The following NTN4 variants were observed in gnomAD, a reference collection of about 807,000 sequenced individuals.
NTN4 encodes netrin-4.
In NTN4, 32 loss-of-function variants were observed where a neutral mutation model predicts 73.6. That is an observed-to-expected ratio of 0.44 (90% CI 0.33 to 0.58). NTN4 has a LOEUF of 0.58. Ranked by LOEUF, NTN4 falls within the 20% of genes least tolerant of loss-of-function variation. NTN4 has a pLI of 0.04. For synonymous variants in NTN4, 258 were observed against 287.5 expected, an observed-to-expected ratio of 0.90 and a Z score of 1.04; for missense variants, 654 against 798.3, an observed-to-expected ratio of 0.82 and a Z score of 2.18.
intron 2 of NTN4, among the ~76,000 whole-genome samples, chr12:95,770,779 G>A (rs1300536226): frequency 1.3e-5 from 2 of 148,814 alleles, no homozygotes; most frequent in Admixed American, 1.3e-4. Context: ...TAGAAAGCAC[G>A]TGAATATTTT....
intron 2 of NTN4, among the ~76,000 whole-genome samples, chr12:95,751,213 C>T (rs2078904623): frequency 6.6e-6 from 1 of 152,078 alleles, no homozygotes; most frequent in Non-Finnish European, 1.5e-5. Flanking sequence ...ACCTCGCCTT[C>T]AAGGTGTACA....
intron 7 of NTN4, among the ~76,000 whole-genome samples, chr12:95,675,122 T>A (rs2078263542): frequency 6.6e-6 from 1 of 152,168 alleles, no homozygotes; most frequent in Non-Finnish European, 1.5e-5. Flanking sequence ...GCAAAAAAAA[T>A]TCATAGTAAA....
At chr12:95,770,988 A>ATT (rs1460848065) in intron 2 of NTN4, among the ~76,000 whole-genome samples, 2 of 58,070 alleles carry the variant, frequency 3.4e-5, no homozygotes, top group African/African-American at 8.8e-5. Context: ...CAGGAAAAGA[A>ATT]TTTGTTTTTT....
Position 95,725,647 on chromosome 12 carries a change from T to G in NTN4, c.864+12219A>C, listed in dbSNP as rs185251064. ...GACATGTTTAAGATAAATGAGCCCC[T>G]GATTGTAGTACAAGAAGTCAGTTAC... is the stretch of plus-strand genomic sequence containing the variant. On this transcript the variant is annotated intron_variant, in intron 3 of 9. Transcript: ENST00000343702. Among the ~76,000 whole-genome samples the G allele has an allele frequency of 1.8e-3, 280 of 152,270 alleles. 1 individual carries two copies. Among genetic ancestry groups the G allele is most frequent in the East Asian group, 7.9e-3 (41 of 5,184 alleles).
At chr12:95,713,853 G>A (rs949955754) in intron 3 of NTN4, among the ~76,000 whole-genome samples, 1 of 151,678 alleles carries the variant, frequency 6.6e-6, no homozygotes, top group African/African-American at 2.4e-5. Context: ...ACACCCTAAT[G>A]GCACCCCGTA....
Position 95,729,107 on chromosome 12 carries a change from C to T in NTN4, c.864+8759G>A, listed in dbSNP as rs897226857. 2.6e-5 allele frequency among the ~76,000 whole-genome samples: 4 copies of T among 152,230 alleles called. No individual in the cohort carries two copies. In the South Asian group the frequency reaches 8.3e-4, roughly 32 times the overall value. ...TTACCCAGTCTCAGGTATTTCTTTA[C>T]AGCAGTGCAAGAACAGACTAATACA... On this transcript the variant is annotated intron_variant, in intron 3 of 9. Transcript: ENST00000343702.
intron 2 of NTN4, among the ~76,000 whole-genome samples, chr12:95,764,585 A>C (rs2079008188): frequency 6.6e-6 from 1 of 151,868 alleles, no homozygotes; most frequent in South Asian, 2.1e-4. Flanking sequence ...GAATTGCTTG[A>C]ACCCAGGAGG....
chr12:95,742,680 A>G (rs4274262), intron 2 of NTN4, among the ~76,000 whole-genome samples: 89,938 of 152,122 alleles, frequency 0.59, 27,527 homozygotes, highest in African/African-American at 0.76. Flanking sequence ...ATGATGGCAC[A>G]CTTACACTGT....
chr12:95,711,129 C>G (rs2078562373), intron 4 of NTN4, among the ~76,000 whole-genome samples: 1 of 152,060 alleles, frequency 6.6e-6, no homozygotes, highest in Non-Finnish European at 1.5e-5. Context: ...CCCCATTTAC[C>G]CTGTTTTTCC....
intron 2 of NTN4, among the ~76,000 whole-genome samples, chr12:95,785,024 G>A (rs2079157608): frequency 6.6e-6 from 1 of 152,162 alleles, no homozygotes; most frequent in Non-Finnish European, 1.5e-5. Flanking sequence ...TAAATTCAAC[G>A]TGATATTTGC....
chr12:95,701,579 T>A (rs535537903), intron 5 of NTN4, among the ~76,000 whole-genome samples: 1 of 152,234 alleles, frequency 6.6e-6, no homozygotes, highest in South Asian at 2.1e-4. Flanking sequence ...AAGGTTGAAA[T>A]AAAGAGGAAG....
chr12:95,763,955 A>C (rs1215812472), intron 2 of NTN4, among the ~76,000 whole-genome samples: 1 of 152,214 alleles, frequency 6.6e-6, no homozygotes, highest in African/African-American at 2.4e-5. Flanking sequence ...CTGAAGTTCC[A>C]ATGTCATTAT....
Position 95,682,729 on chromosome 12 carries a change from C to A in NTN4, c.1488G>T (p.Gly496=). 6.2e-7 allele frequency: 1 copy of A among 1,612,906 alleles called. No individual in the cohort carries two copies. ...CACCTGAGTGTAGAAGTGCAGAAAACCCCTGCGCATCCTCCCACTCCCAGG... is the reference window on the plus strand; with the variant it reads ...CACCTGAGTGTAGAAGTGCAGAAAAACCCTGCGCATCCTCCCACTCCCAGG... ...EPAWEWEDAQ[G]FSALLHSGKC... Residue 496 remains glycine (G), a synonymous_variant, in exon 7 of 10, where the codon GGG becomes GGT. Transcript: ENST00000343702.
chr12:95,691,988 G>T (rs2078404975), intron 5 of NTN4, among the ~76,000 whole-genome samples: 1 of 152,118 alleles, frequency 6.6e-6, no homozygotes, highest in South Asian at 2.1e-4. Context: ...TTAATTTCCG[G>T]ATATTTTCAC....
At chr12:95,771,192 T>C (rs553609725) in intron 2 of NTN4, among the ~76,000 whole-genome samples, 36 of 152,188 alleles carry the variant, frequency 2.4e-4, no homozygotes, top group African/African-American at 8.7e-4. Flanking sequence ...GGTTTCACCG[T>C]GTTAGCCAGG....
chr12:95,697,634 T>G (rs1437747968), intron 5 of NTN4, among the ~76,000 whole-genome samples: 1 of 152,086 alleles, frequency 6.6e-6, no homozygotes, highest in Non-Finnish European at 1.5e-5. Context: ...TTTTACTTTT[T>G]TTTTTTTTTC....
intron 5 of NTN4, among the ~76,000 whole-genome samples, chr12:95,696,500 G>A (rs942343060): frequency 1.3e-5 from 2 of 152,174 alleles, no homozygotes; most frequent in Non-Finnish European, 2.9e-5. Flanking sequence ...AGGGCTAGAG[G>A]ATAGGAACCA....
At chr12:95,665,269 TTTTTG>T (rs2120920826) in intron 9 of NTN4, among the ~76,000 whole-genome samples, 1 of 152,342 alleles carries the variant, frequency 6.6e-6, no homozygotes, top group African/African-American at 2.4e-5. Context: ...AATCCTACAG[TTTTTG>T]TTTTGTTTAT....
intron 3 of NTN4, among the ~76,000 whole-genome samples, chr12:95,730,152 T>C (rs1280828049): frequency 6.6e-6 from 1 of 152,224 alleles, no homozygotes; most frequent in Non-Finnish European, 1.5e-5. Flanking sequence ...ATTTCAAACC[T>C]GTTAGATTCA....
Sources: gnomAD v4.1 joint callset for allele counts (sites outside exome capture counted in the v4.1 genomes callset) on GRCh38, gnomAD v4.1.1 for gene constraint, MANE v1.5 for transcripts, NCBI Gene and HGNC (gene_info 2026-07-23, HGNC 2026-07-21) for gene names.